UPF2: variants seen among roughly 807,000 people sequenced by gnomAD.
UPF2 encodes the protein UPF2 regulator of nonsense mediated mRNA decay.
Under a neutral mutation model 141.4 loss-of-function variants are expected in UPF2, and 17 were observed. The ratio of observed to expected loss-of-function variants is 0.12; its 90% CI spans 0.08 to 0.18. UPF2 has a LOEUF of 0.18. Among genes scored for constraint, UPF2 ranks in the 10% least tolerant of loss-of-function variants. UPF2 has a pLI of 1.00. For missense variants in UPF2, 1,152 were observed against 1,515.9 expected, an observed-to-expected ratio of 0.76 and a Z score of 3.99; for synonymous variants, 540 against 498.0, an observed-to-expected ratio of 1.08 and a Z score of -1.12.
intron 12 of UPF2, among the ~76,000 whole-genome samples, chr10:11,958,685 G>C (rs1480395532): frequency 2.0e-5 from 3 of 152,078 alleles, no homozygotes; most frequent in Non-Finnish European, 4.4e-5. Context: ...TAAGATAATA[G>C]GTCAGTGATT....
rs116609875 is a variant in UPF2 at position 11,940,165 on chromosome 10, G to C, written c.3378+2500C>G. Among the ~76,000 whole-genome samples, 1,004 of 152,266 alleles carry C rather than the reference G, an allele frequency of 6.6e-3. 13 individuals are homozygous for C. The highest frequency in any genetic ancestry group is 0.023 in the African/African-American group (935 of 41,540). On this transcript the variant is annotated intron_variant, in intron 18 of 21. Transcript: ENST00000357604. This position sits in a 1 kb window ranked among gnomAD's most constrained non-coding sequence, Gnocchi z 4.2. Reference sequence around the variant, plus strand: ...ATTAAGTTTTTCTCCAGCACAAAAAGCACATCTCCTGCAAAAATGTGAATT... The same window carrying C: ...ATTAAGTTTTTCTCCAGCACAAAAACCACATCTCCTGCAAAAATGTGAATT...
intron 17 of UPF2, 104 bp from the exon 18 acceptor site, chr10:11,942,867 G>T: frequency 1.0e-6 from 1 of 1,000,392 alleles, no homozygotes; most frequent in Non-Finnish European, 1.5e-6. Context: ...AACTCAAGGA[G>T]TAAAGTGAGT....
At chr10:11,997,290 T>C (rs1833880016) in intron 8 of UPF2, among the ~76,000 whole-genome samples, 1 of 152,122 alleles carries the variant, frequency 6.6e-6, no homozygotes, top group Non-Finnish European at 1.5e-5. Flanking sequence ...TAAACATAAA[T>C]CTGAGAACTA....
intron 10 of UPF2, among the ~76,000 whole-genome samples, chr10:11,964,347 T>C (rs1833285849): frequency 6.6e-6 from 1 of 152,234 alleles, no homozygotes; most frequent in Non-Finnish European, 1.5e-5. Flanking sequence ...TGGAAACGAA[T>C]GTCAAACCCC....
At chr10:11,941,835 T>C (rs1360244252) in intron 18 of UPF2, among the ~76,000 whole-genome samples, 1 of 152,212 alleles carries the variant, frequency 6.6e-6, no homozygotes, top group Non-Finnish European at 1.5e-5. Flanking sequence ...AAAATATAGT[T>C]ACTTGAAATT....
At position 11,992,984 on chromosome 10, in the gene UPF2, A is replaced by T. The variant is rs1833804595; in HGVS notation, c.1844+4688T>A. On this transcript the variant is annotated intron_variant, in intron 8 of 21. Coordinates refer to ENST00000357604, the MANE Select transcript of UPF2 (RefSeq NM_015542.4). This position sits in a 1 kb window ranked among gnomAD's most constrained non-coding sequence, Gnocchi z 4.1. ...GTTAATATGGTGAAACCCCGTTTCT[A>T]CTAAAACTACAAAAAATTACCCGGG... Among the ~76,000 whole-genome samples, 1 of 152,092 alleles carries T rather than the reference A, an allele frequency of 6.6e-6. No individual in the cohort carries two copies. The highest frequency in any genetic ancestry group is 1.5e-5 in the Non-Finnish European group (1 of 68,006).
intron 11 of UPF2, 117 bp downstream of exon 11, chr10:11,963,892 G>A (rs1833278228): frequency 1.5e-6 from 1 of 688,302 alleles, no homozygotes; most frequent in Non-Finnish European, 2.4e-6. Flanking sequence ...ACTTTAAGTA[G>A]AAATGTTTGT....
chr10:11,970,886 A>AATAT (rs147240032), intron 9 of UPF2, among the ~76,000 whole-genome samples: 4 of 150,624 alleles, frequency 2.7e-5, no homozygotes, highest in Non-Finnish European at 4.4e-5. Context: ...AGGGTTGGGA[A>AATAT]ATATATATAT....
chr10:12,004,145 T>C (rs1422365613), intron 5 of UPF2, among the ~76,000 whole-genome samples: 1 of 152,090 alleles, frequency 6.6e-6, no homozygotes, highest in African/African-American at 2.4e-5. Flanking sequence ...TCACTCTTCT[T>C]CTCAAAGAGT....
rs371235287 is a variant in UPF2 at position 12,001,784 on chromosome 10, C to T, written c.1546G>A (p.Asp516Asn). 1.6e-5 allele frequency: 25 copies of T among 1,611,668 alleles called. No individual in the cohort carries two copies. The highest frequency in any genetic ancestry group is 4.0e-5 in the African/African-American group (3 of 74,930). Residue 516 changes from aspartate to asparagine, a missense_variant, in exon 6 of 22, where the codon GAT (aspartate) becomes AAT (asparagine). Around this residue, in one of 4 missense-constraint regions of UPF2, gnomAD observed 739 missense variants for 1,032.2 expected, o/e 0.72. Transcript: ENST00000357604. ...TTCTCCAACTCAAGTTCCAAATCAT[C>T]GGGACTTGATACCTCCTTATTCTCC... ...SKENKEVSSP[D>N]DLELELENLE...
intron 4 of UPF2, among the ~76,000 whole-genome samples, chr10:12,011,359 G>A (rs968950065): frequency 2.0e-5 from 3 of 152,206 alleles, no homozygotes; most frequent in East Asian, 1.9e-4. Context: ...AGCACTTGGG[G>A]AGGGTGAGGC....
At chr10:11,948,601 A>AC in intron 15 of UPF2, 93 bp from the exon 16 acceptor site, 1 of 1,371,546 alleles carries the variant, frequency 7.3e-7, no homozygotes, top group East Asian at 2.3e-5. Context: ...AGTATGCATT[A>AC]AGAATTCAAC....
chr10:11,955,158 T>C (rs1172841359), intron 14 of UPF2, 74 bp downstream of exon 14: 1 of 1,373,370 alleles, frequency 7.3e-7, no homozygotes, highest in Non-Finnish European at 9.6e-7. Flanking sequence ...ATAACGTTTC[T>C]TCTCTCATAG....
At chr10:11,925,704 C>G (rs1832703945) in intron 21 of UPF2, among the ~76,000 whole-genome samples, 1 of 152,216 alleles carries the variant, frequency 6.6e-6, no homozygotes, top group Non-Finnish European at 1.5e-5. Context: ...AAGGCAGGAC[C>G]CGAAGGAGCA....
chr10:11,971,763 T>C (rs1833421438), intron 9 of UPF2, among the ~76,000 whole-genome samples: 1 of 152,078 alleles, frequency 6.6e-6, no homozygotes, highest in Non-Finnish European at 1.5e-5. Flanking sequence ...AGTTTGTATA[T>C]ACTAATTAAA....
chr10:12,040,009 G>A (rs991603654), intron 1 of UPF2, among the ~76,000 whole-genome samples: 6 of 152,124 alleles, frequency 3.9e-5, no homozygotes, highest in African/African-American at 1.4e-4. Context: ...AATTCACAAA[G>A]ATCATCATTT....
At chr10:11,927,341 GA>G (rs1264315246) in intron 21 of UPF2, among the ~76,000 whole-genome samples, 1 of 152,214 alleles carries the variant, frequency 6.6e-6, no homozygotes, top group Non-Finnish European at 1.5e-5. Context: ...GAAGATGATG[GA>G]AAACATCAAG....
Position 11,936,770 on chromosome 10 carries a change from A to G in UPF2, c.3379-58T>C, listed in dbSNP as rs1281781334. ...TCCAAGATATATACGGATATATGTC[A>G]ATATAAATTGCAAACTCATTCAATG... On this transcript the variant is annotated intron_variant, in intron 18 of 21. Coordinates refer to ENST00000357604, the MANE Select transcript of UPF2 (RefSeq NM_015542.4). This position sits in a 1 kb window ranked among gnomAD's most constrained non-coding sequence, Gnocchi z 6.6. The G allele has an allele frequency of 3.4e-6, 5 of 1,461,406 alleles. No homozygotes were observed. The highest frequency in any genetic ancestry group is 2.4e-5 in the Admixed American group (1 of 41,032). 90.5% of individuals were successfully genotyped at this position (1,461,406 alleles called of 1,614,324 possible). A position where few individuals can be genotyped will look rare whatever the true frequency, so the allele number is the denominator to read the frequency against.
chr10:12,004,453 T>C, intron 5 of UPF2, 77 bp downstream of exon 5: 1 of 1,142,852 alleles, frequency 8.8e-7, no homozygotes, highest in Non-Finnish European at 1.2e-6. Context: ...ACAATATATA[T>C]ATTTTTTTTT....
Sources: allele counts gnomAD v4.1 joint callset (sites outside exome capture counted in the v4.1 genomes callset), GRCh38; gene constraint gnomAD v4.1.1; regional missense constraint gnomAD v4.1.1; non-coding constraint Gnocchi (gnomAD v3.1); transcripts MANE v1.5; gene names NCBI Gene and HGNC (gene_info 2026-07-23, HGNC 2026-07-21).